The following PITPNC1 variants were observed in gnomAD, a reference collection of about 807,000 sequenced individuals.
The protein encoded by PITPNC1 is cytoplasmic phosphatidylinositol transfer protein 1.
In PITPNC1, 18 loss-of-function variants were observed where a neutral mutation model predicts 44.7. That is an observed-to-expected ratio of 0.40 (90% CI 0.28 to 0.60). The LOEUF (loss-of-function observed/expected upper bound fraction) is 0.60. PITPNC1 is among the 20% of genes least tolerant of loss of function. The probability of loss-of-function intolerance (pLI) is 0.39; values close to 1 mark genes in which losing one functional copy is unlikely to be tolerated. For synonymous variants in PITPNC1, 141 were observed against 149.6 expected (o/e 0.94, Z 0.42); for missense variants, 290 against 418.4 (o/e 0.69, Z 2.68).
At chr17:67,550,436 A>T (rs1369786029) in intron 2 of PITPNC1, among the ~76,000 whole-genome samples, 1 of 151,748 alleles carries the variant, frequency 6.6e-6, no homozygotes, top group Non-Finnish European at 1.5e-5. Flanking sequence ...TAAGAGAAAC[A>T]ACTGGAAAAG....
intron 1 of PITPNC1, among the ~76,000 whole-genome samples, chr17:67,514,330 G>A (rs930144515): frequency 2.6e-5 from 4 of 151,940 alleles, no homozygotes; most frequent in African/African-American, 9.7e-5. Flanking sequence ...CCTCCGAGTA[G>A]CTGAGATTAC....
Position 67,688,567 on chromosome 17 carries a change from A to G in PITPNC1, c.683-4005A>G, listed in dbSNP as rs556987634. 4.6e-5 allele frequency among the ~76,000 whole-genome samples: 7 copies of G among 152,200 alleles called. No homozygotes were observed. In the South Asian group the frequency reaches 1.5e-3, roughly 32 times the overall value. ...CTAACTCTTCTCCCATTTTGCATGC[A>G]GTGATCTGATTTGCAGGAAACTGTT... On this transcript the variant is annotated intron_variant, in intron 8 of 8. Coordinates refer to ENST00000581322, the MANE Select transcript of PITPNC1 (RefSeq NM_012417.4).
At chr17:67,481,441 A>G (rs983233371) in intron 1 of PITPNC1, among the ~76,000 whole-genome samples, 2 of 152,238 alleles carry the variant, frequency 1.3e-5, no homozygotes. Flanking sequence ...GCTCTGTGCT[A>G]TGGAGAAAAG....
intron 4 of PITPNC1, among the ~76,000 whole-genome samples, chr17:67,569,498 A>G (rs372168847): frequency 1.3e-5 from 2 of 152,202 alleles, no homozygotes; most frequent in Non-Finnish European, 2.9e-5. Flanking sequence ...ATGTTCCACC[A>G]TCACTTTTCT....
At chr17:67,578,139 A>G in intron 4 of PITPNC1, 47 bp from the exon 5 acceptor site, 1 of 1,280,048 alleles carries the variant, frequency 7.8e-7, no homozygotes, top group Non-Finnish European at 1.1e-6. Flanking sequence ...GAATATAGGA[A>G]GAGAGAAAAA....
intron 1 of PITPNC1, among the ~76,000 whole-genome samples, chr17:67,400,185 T>C (rs2038286223): frequency 6.6e-6 from 1 of 152,202 alleles, no homozygotes; most frequent in Non-Finnish European, 1.5e-5. Flanking sequence ...AAATGGCCTA[T>C]GGGAAATCCT....
chr17:67,635,834 G>A (rs897189845), intron 6 of PITPNC1, among the ~76,000 whole-genome samples: 4 of 152,146 alleles, frequency 2.6e-5, no homozygotes, highest in Non-Finnish European at 2.9e-5. Context: ...AAAACTGTCC[G>A]CTGGAGCAGT....
At chr17:67,662,152 C>T (rs968435299) in intron 6 of PITPNC1, among the ~76,000 whole-genome samples, 3 of 151,976 alleles carry the variant, frequency 2.0e-5, no homozygotes, top group African/African-American at 7.3e-5. Context: ...TAAAGCTCAC[C>T]CATTGAAAGC....
In PITPNC1 at chr17:67,631,657, A is replaced by AATATAT. The variant is rs1555574521; in HGVS notation, c.367-476_367-471dup. 6.4e-3 allele frequency among the ~76,000 whole-genome samples: 49 copies of AATATAT among 7,678 alleles called. 2 individuals carry two copies. The highest frequency in any genetic ancestry group is 0.015 in the African/African-American group (41 of 2,714). The allele number at this position is 7,678 out of a possible 152,430, so 5.0% of individuals were successfully genotyped here. Reference sequence around the variant, plus strand: ...AACCAAAAAAAAAAAAAAAAAAAAAAATATATATATATATAAAATATATAT... The same window carrying AATATAT: ...AACCAAAAAAAAAAAAAAAAAAAAAAATATATATATATATATATATAAAATATATAT... On this transcript the variant is annotated intron_variant, in intron 5 of 8. Coordinates refer to ENST00000581322, the MANE Select transcript of PITPNC1 (RefSeq NM_012417.4).
intron 1 of PITPNC1, among the ~76,000 whole-genome samples, chr17:67,503,310 GA>G (rs111742698): frequency 0.034 from 5,142 of 151,750 alleles, 166 homozygotes; most frequent in African/African-American, 0.09. Context: ...GTAGGAACTA[GA>G]AAAAAAATGA....
At chr17:67,651,267 C>A (rs1292578705) in intron 6 of PITPNC1, among the ~76,000 whole-genome samples, 1 of 152,166 alleles carries the variant, frequency 6.6e-6, no homozygotes, top group Non-Finnish European at 1.5e-5. Context: ...AATCCCAGCA[C>A]TTTTGGAGGC....
chr17:67,416,228 T>TTTTA (rs1555648895), intron 1 of PITPNC1, among the ~76,000 whole-genome samples: 2 of 139,392 alleles, frequency 1.4e-5, no homozygotes, highest in Admixed American at 7.3e-5. Context: ...TTTTTTTTTT[T>TTTTA]AGACAGAGTC....
At chr17:67,424,426 G>T (rs1486286291) in intron 1 of PITPNC1, among the ~76,000 whole-genome samples, 2 of 152,132 alleles carry the variant, frequency 1.3e-5, no homozygotes, top group African/African-American at 4.8e-5. Context: ...GGATGCCGAG[G>T]CAGGAAGATA....
rs746487673 is a variant in PITPNC1, at chr17:67,425,266, G to C, written c.48+47064G>C. Among the ~76,000 whole-genome samples the C allele has an allele frequency of 8.1e-3, 926 of 114,568 alleles. 18 individuals carry two copies. Among genetic ancestry groups the C allele is most frequent in the East Asian group, 0.024 (58 of 2,414 alleles). The allele number at this position is 114,568 out of a possible 152,430, so 75.2% of individuals were successfully genotyped here. A position where few individuals can be genotyped will look rare whatever the true frequency, so the allele number is the denominator to read the frequency against. On this transcript the variant is annotated intron_variant, in intron 1 of 8. Transcript: ENST00000581322. ...ACACACACACACACACACACACAGA[G>C]GGAGAGAGAGAGAGAAATGACCTCT...
intron 1 of PITPNC1, among the ~76,000 whole-genome samples, chr17:67,494,279 C>T (rs2039911985): frequency 6.6e-6 from 1 of 151,266 alleles, no homozygotes; most frequent in South Asian, 2.1e-4. Flanking sequence ...TGACTCACTG[C>T]AACCTCTACC....
chr17:67,518,626 A>G (rs2040286890), intron 1 of PITPNC1, among the ~76,000 whole-genome samples: 1 of 152,126 alleles, frequency 6.6e-6, no homozygotes, highest in African/African-American at 2.4e-5. Context: ...CACACCTGTT[A>G]GGATGGTGGT....
Position 67,695,840 on chromosome 17 carries a change from G to A in PITPNC1, c.*2952G>A, listed in dbSNP as rs551096874. ...CTGTGCATTTTCTTGGCCATAGCAC[G>A]GCATTCTTGCTTTAGCTGTGCTTTC... On this transcript the variant is annotated 3_prime_UTR_variant, in exon 9 of 9. Transcript: ENST00000581322. 4 of 152,074 alleles carry A rather than the reference G, an allele frequency of 2.6e-5. No individual in the cohort carries two copies. The highest frequency in any genetic ancestry group is 3.9e-4 in the East Asian group (2 of 5,172). 9.4% of individuals were successfully genotyped at this position (152,074 alleles called of 1,614,324 possible).
intron 1 of PITPNC1, among the ~76,000 whole-genome samples, chr17:67,487,707 A>G (rs2039799760): frequency 6.6e-6 from 1 of 152,128 alleles, no homozygotes; most frequent in African/African-American, 2.4e-5. Context: ...TTCATGGTGA[A>G]TCATCAGGAC....
intron 5 of PITPNC1, among the ~76,000 whole-genome samples, chr17:67,618,195 C>A (rs1194115251): frequency 1.3e-5 from 2 of 151,822 alleles, no homozygotes; most frequent in African/African-American, 4.8e-5. Context: ...GAAACCCTAT[C>A]TCTACCTAAA....
Sources: gnomAD v4.1 joint callset for allele counts (sites outside exome capture counted in the v4.1 genomes callset) on GRCh38, gnomAD v4.1.1 for gene constraint, MANE v1.5 for transcripts, NCBI Gene and HGNC (gene_info 2026-07-23, HGNC 2026-07-21) for gene names.